Variants in PTK7 observed in about 807,000 individuals in gnomAD.
PTK7 encodes inactive tyrosine-protein kinase 7.
PTK7 carries 39 observed loss-of-function variants against 116.6 expected under a neutral mutation model. The ratio of observed to expected loss-of-function variants is 0.33; its 90% confidence interval spans 0.26 to 0.44. The LOEUF is 0.44. Among genes scored for constraint, PTK7 ranks in the 20% least tolerant of loss-of-function variants. The pLI is 1.00. For missense variants in PTK7, 1,169 were observed against 1,425.6 expected, an observed-to-expected ratio of 0.82 and a Z score of 2.90; for synonymous variants, 546 against 563.6, an observed-to-expected ratio of 0.97 and a Z score of 0.44.
chr6:43,148,116 G>T (rs767034880), intron 17 of PTK7, among the ~76,000 whole-genome samples: 1 of 152,118 alleles, frequency 6.6e-6, no homozygotes, highest in Non-Finnish European at 1.5e-5. Context: ...TTAACCGGGC[G>T]TGGGGGCATG....
chr6:43,118,669 A>C (rs1322867708), intron 1 of PTK7, among the ~76,000 whole-genome samples: 2,721 of 102,416 alleles, frequency 0.027, 26 homozygotes, highest in African/African-American at 0.039. Flanking sequence ...CTATATATAT[A>C]TATATATATA....
chr6:43,144,577 G>A lies in PTK7; in HGVS notation c.2378G>A (p.Arg793Gln), dbSNP rs144327331. The A allele has an allele frequency of 1.1e-5, 18 of 1,613,410 alleles. No homozygotes were observed. Among genetic ancestry groups the A allele is most frequent in the Middle Eastern group, 1.6e-4 (1 of 6,078 alleles). The change falls in exon 15 of 20, where the codon CGG becomes CAG. Residue 793 changes from arginine (R) to glutamine (Q), a missense_variant. Transcript: ENST00000230419. ...ACAAGTGATAAGATGCACTTCCCAC[G>A]GTCTAGCCTGCAGCCCATCACCACG... ...HSTSDKMHFP[R>Q]SSLQPITTLG...
At chr6:43,132,891 T>G (rs1769786722) in intron 7 of PTK7, 1 of 691,894 alleles carries the variant, frequency 1.4e-6, no homozygotes, top group Admixed American at 2.4e-5. Flanking sequence ...GAGGAAATAG[T>G]GACAGCCCTC....
At chr6:43,079,389 C>T (rs149342300) in intron 1 of PTK7, among the ~76,000 whole-genome samples, 179 of 151,690 alleles carry the variant, frequency 1.2e-3, no homozygotes, top group Non-Finnish European at 1.9e-3. Context: ...ATGGCCTGAA[C>T]CCGGGAGGTG....
intron 7 of PTK7, among the ~76,000 whole-genome samples, chr6:43,135,280 G>A (rs778239855): frequency 1.3e-5 from 2 of 152,178 alleles, no homozygotes; most frequent in Non-Finnish European, 2.9e-5. Context: ...CCCAGAAGAC[G>A]GAGAGCTCTG....
intron 14 of PTK7, chr6:43,144,225 G>A: frequency 1.8e-6 from 1 of 565,518 alleles, no homozygotes; most frequent in Non-Finnish European, 3.2e-6. Flanking sequence ...CATCTCAGAG[G>A]TCATAATCAG....
intron 1 of PTK7, among the ~76,000 whole-genome samples, chr6:43,117,435 TG>T (rs1355826127): frequency 1.3e-5 from 2 of 152,100 alleles, no homozygotes; most frequent in African/African-American, 4.8e-5. Context: ...GTGGAGGGAA[TG>T]TGGGTAACAG....
At chr6:43,097,541 A>G (rs1012115934) in intron 1 of PTK7, among the ~76,000 whole-genome samples, 4 of 152,210 alleles carry the variant, frequency 2.6e-5, no homozygotes, top group East Asian at 3.8e-4. Flanking sequence ...TAACAGGTCT[A>G]TGACCAAAAA....
chr6:43,127,264 G>A (rs565584584), intron 1 of PTK7, among the ~76,000 whole-genome samples: 185 of 152,302 alleles, frequency 1.2e-3, no homozygotes, highest in African/African-American at 4.1e-3. Flanking sequence ...TTCTTCTTCC[G>A]GGGGCGGGGG....
At position 43,139,568 on chromosome 6, in the gene PTK7, C is replaced by T. The variant is rs201234128; in HGVS notation, c.1618+43C>T. On this transcript the variant is annotated intron_variant, in intron 10 of 19. Transcript: ENST00000230419. The surrounding 1 kb of genome is among the most constrained non-coding windows in gnomAD (Gnocchi z 4.6). Reference sequence around the variant, plus strand: ...ATAGGGTAGGGGCAGGCAGGCAGTTCACTGATCAGATACATACCTGAGGGC... The same window carrying T: ...ATAGGGTAGGGGCAGGCAGGCAGTTTACTGATCAGATACATACCTGAGGGC... The T allele has an allele frequency of 4.3e-4, 689 of 1,610,712 alleles. 1 individual carries two copies. The Middle Eastern group carries it at 4.8e-3, about 11-fold the overall frequency.
chr6:43,144,335 G>A, intron 14 of PTK7, 116 bp from the exon 15 acceptor site: 1 of 1,296,398 alleles, frequency 7.7e-7, no homozygotes, highest in African/African-American at 1.5e-5. Flanking sequence ...TTCATGTGGA[G>A]CACTGTGATT....
chr6:43,115,974 C>T (rs910638184), intron 1 of PTK7, among the ~76,000 whole-genome samples: 32 of 151,196 alleles, frequency 2.1e-4, no homozygotes, highest in Non-Finnish European at 3.7e-4. Context: ...CAAAATCCTG[C>T]TCCCATGCCC....
intron 1 of PTK7, among the ~76,000 whole-genome samples, chr6:43,096,687 G>A (rs560279493): frequency 6.6e-6 from 1 of 152,308 alleles, no homozygotes; most frequent in East Asian, 1.9e-4. Flanking sequence ...TGCCCTGGGT[G>A]TGCAGGGGTC....
intron 17 of PTK7, among the ~76,000 whole-genome samples, chr6:43,157,364 A>ATATTTTTTT (rs70990168): frequency 5.5e-5 from 3 of 54,358 alleles, no homozygotes; most frequent in Admixed American, 2.4e-4. Context: ...ATATATATAT[A>ATATTTTTTT]TTTTTTTTTT....
intron 1 of PTK7, among the ~76,000 whole-genome samples, chr6:43,127,432 C>G (rs1350254272): frequency 6.6e-6 from 1 of 152,276 alleles, no homozygotes; most frequent in Non-Finnish European, 1.5e-5. Flanking sequence ...CTAAACCCAT[C>G]TGCCATACAG....
intron 5 of PTK7, 118 bp downstream of exon 5, chr6:43,130,779 C>T (rs1769623252): frequency 8.1e-6 from 11 of 1,358,726 alleles, no homozygotes; most frequent in African/African-American, 1.4e-5. Context: ...TTTCAAATTT[C>T]CAAGAGACAC....
chr6:43,103,971 T>G (rs185825084), intron 1 of PTK7, among the ~76,000 whole-genome samples: 12 of 152,350 alleles, frequency 7.9e-5, no homozygotes, highest in Admixed American at 6.5e-4. Context: ...TCTCAAATCA[T>G]GTGCAAACAC....
chr6:43,157,361 TATATTTTTTTTTTTC>T (rs1561990559), intron 17 of PTK7, among the ~76,000 whole-genome samples: 8 of 11,444 alleles, frequency 7.0e-4, no homozygotes, highest in African/African-American at 3.5e-3. Flanking sequence ...TATATATATA[TATATTTTTTTTTTTC>T]TTTTTTTTTT....
intron 1 of PTK7, among the ~76,000 whole-genome samples, chr6:43,096,165 G>T (rs1767240439): frequency 6.6e-6 from 1 of 152,196 alleles, no homozygotes; most frequent in African/African-American, 2.4e-5. Context: ...TTCTGGGCCA[G>T]GCCTGCTATC....
Sources: allele counts gnomAD v4.1 joint callset (sites outside exome capture counted in the v4.1 genomes callset), GRCh38; gene constraint gnomAD v4.1.1; non-coding constraint Gnocchi (gnomAD v3.1); transcripts MANE v1.5; gene names NCBI Gene and HGNC (gene_info 2026-07-23, HGNC 2026-07-21).